Variants in SEMA5B observed in about 807,000 individuals in gnomAD.
The protein encoded by SEMA5B is semaphorin 5B.
In SEMA5B, 66 loss-of-function variants were observed where a neutral mutation model predicts 135.0. That is an observed-to-expected ratio of 0.49 (90% CI 0.40 to 0.60). SEMA5B has a LOEUF of 0.60. Among genes scored for constraint, SEMA5B ranks in the 20% least tolerant of loss-of-function variants. The probability of loss-of-function intolerance (pLI) is 0.00; values close to 1 mark genes in which losing one functional copy is unlikely to be tolerated. For missense variants in SEMA5B, 1,501 were observed against 1,566.3 expected, an observed-to-expected ratio of 0.96 and a Z score of 0.70; for synonymous variants, 690 against 639.5, an observed-to-expected ratio of 1.08 and a Z score of -1.19.
chr3:122,927,814 G>T lies in SEMA5B; in HGVS notation c.826C>A (p.Gln276Lys). 1 of 1,499,966 alleles carries T rather than the reference G, an allele frequency of 6.7e-7. No homozygotes were observed. The highest frequency in any genetic ancestry group is 8.9e-7 in the Non-Finnish European group (1 of 1,119,968). 92.9% of individuals were successfully genotyped at this position (1,499,966 alleles called of 1,614,324 possible). A position where few individuals can be genotyped will look rare whatever the true frequency, so the allele number is the denominator to read the frequency against. The change falls in exon 8 of 23, where the codon CAA (glutamine) becomes AAA (lysine). Residue 276 changes from glutamine to lysine, a missense_variant. Around this residue, in one of 2 missense-constraint regions of SEMA5B, gnomAD observed 574 missense variants for 684.7 expected, o/e 0.84. Coordinates refer to ENST00000357599, the MANE Select transcript of SEMA5B (RefSeq NM_001031702.4). ...LGSGPPLRTA[Q>K]YNSKWLNEPN... is the part of the protein sequence containing the mutation. ...CCATTAAGCCACTTGGAGTTATATT[G>T]GGCAGTGCGAAGCGGTGGCCCACTG...
At position 122,926,590 on chromosome 3, in the gene SEMA5B, G is replaced by T; in HGVS notation, c.938C>A (p.Thr313Asn). The T allele has an allele frequency of 6.2e-7, 1 of 1,614,270 alleles. No homozygotes were observed. The stretch of plus-strand genomic sequence containing the variant: ...CACGCGGGCCACGCGAGAGTACACG[G>T]TGCGTCCACAGTCGTGCTCCACTGC... ...ENAVEHDCGR[T>N]VYSRVARVCK... The change falls in exon 9 of 23, where the codon ACC becomes AAC. Residue 313 changes from threonine to asparagine, a missense_variant. This residue lies in a region of SEMA5B where 574 missense variants were observed against 684.7 expected (regional missense o/e 0.84). Coordinates refer to ENST00000357599, the MANE Select transcript of SEMA5B (RefSeq NM_001031702.4).
intron 1 of SEMA5B, among the ~76,000 whole-genome samples, chr3:122,977,642 T>A (rs531294105): frequency 5.6e-4 from 85 of 152,214 alleles, no homozygotes; most frequent in Non-Finnish European, 9.0e-4. Context: ...CACAAAAACA[T>A]CCAGAATAAT....
At chr3:122,990,612 T>G (rs929221567) in intron 1 of SEMA5B, among the ~76,000 whole-genome samples, 3 of 151,888 alleles carry the variant, frequency 2.0e-5, no homozygotes, top group African/African-American at 7.3e-5. Flanking sequence ...GACATACATG[T>G]GCACACACAC....
chr3:123,022,355 G>A lies in SEMA5B; in HGVS notation c.-39+5109C>T, dbSNP rs191391433. Among the ~76,000 whole-genome samples the A allele has an allele frequency of 1.1e-4, 16 of 152,260 alleles. No individual in the cohort carries two copies. In the East Asian group the frequency reaches 2.7e-3, roughly 26 times the overall value. On this transcript the variant is annotated intron_variant, in intron 1 of 22. Coordinates refer to ENST00000357599, the MANE Select transcript of SEMA5B (RefSeq NM_001031702.4). ...AAATGAAAGATACTCTGATAATATC[G>A]ACAAGGCTTCAAATTCAAACAAGTT...
intron 1 of SEMA5B, among the ~76,000 whole-genome samples, chr3:122,977,930 C>T (rs1009058956): frequency 4.6e-5 from 7 of 152,326 alleles, no homozygotes; most frequent in African/African-American, 9.6e-5. Context: ...AAATATTTGC[C>T]GACTAAAGGG....
chr3:122,968,159 C>A (rs1940953640), intron 1 of SEMA5B, among the ~76,000 whole-genome samples: 1 of 152,234 alleles, frequency 6.6e-6, no homozygotes, highest in African/African-American at 2.4e-5. Flanking sequence ...ATTGGGCCCC[C>A]AGGATGGTTT....
chr3:123,018,978 G>A (rs1319015737), intron 1 of SEMA5B, among the ~76,000 whole-genome samples: 1 of 152,160 alleles, frequency 6.6e-6, no homozygotes, highest in Non-Finnish European at 1.5e-5. Context: ...AAAGGGATGA[G>A]GACATGACCC....
rs546025028 is a variant in SEMA5B, at chr3:122,966,417, G to A, written c.-38-5116C>T. Among the ~76,000 whole-genome samples, 50 of 152,268 alleles carry A rather than the reference G, an allele frequency of 3.3e-4. No individual in the cohort carries two copies. In the South Asian group the frequency reaches 0.01, roughly 32 times the overall value. On this transcript the variant is annotated intron_variant, in intron 1 of 22. Coordinates refer to ENST00000357599, the MANE Select transcript of SEMA5B (RefSeq NM_001031702.4). ...GAAGTCTGTAGTACTGCCTGAAATT[G>A]TACTATCAGACATGGACTACATTGA...
chr3:123,017,538 A>T (rs1276805129), intron 1 of SEMA5B, among the ~76,000 whole-genome samples: 1 of 152,226 alleles, frequency 6.6e-6, no homozygotes, highest in Non-Finnish European at 1.5e-5. Context: ...ATCCAGCAAC[A>T]GAAAGAATGA....
chr3:122,922,913 T>C (rs1417418022), intron 10 of SEMA5B, among the ~76,000 whole-genome samples: 1 of 152,104 alleles, frequency 6.6e-6, no homozygotes, highest in Non-Finnish European at 1.5e-5. Flanking sequence ...CATATGAACC[T>C]TCTCACATAT....
intron 9 of SEMA5B, among the ~76,000 whole-genome samples, chr3:122,924,890 T>G (rs1938544912): frequency 6.6e-6 from 1 of 152,196 alleles, no homozygotes; most frequent in Non-Finnish European, 1.5e-5. Context: ...TTTGTAGCAT[T>G]TCTCATGATT....
chr3:123,002,467 C>T lies in SEMA5B; in HGVS notation c.-39+24997G>A, dbSNP rs143927535. 5.4e-3 allele frequency among the ~76,000 whole-genome samples: 824 copies of T among 152,320 alleles called. 6 individuals are homozygous for T. Among genetic ancestry groups the T allele is most frequent in the South Asian group, 0.031 (150 of 4,830 alleles). On this transcript the variant is annotated intron_variant, in intron 1 of 22. Transcript: ENST00000357599. The stretch of plus-strand genomic sequence containing the variant: ...CTTGCTGCAAAGCTTGCAAGAGCAG[C>T]AGACGGATGCAAACTCCTGCTTCTC...
chr3:122,912,230 C>T lies in SEMA5B; in HGVS notation c.2838G>A (p.Glu946=), dbSNP rs1200810641. The change falls in exon 19 of 23, where the codon GAG becomes GAA. Residue 946 remains glutamate (E), a synonymous_variant. Transcript: ENST00000357599. The stretch of plus-strand genomic sequence containing the variant: ...CCGTGTGCAGCCCGAGACAGATGTC[C>T]TCACCTGGGGAGGGTGCGGGGCTGG... The part of the protein sequence containing the change: ...SCTSPAPSPG[E]DICLGLHTEE... The T allele has an allele frequency of 1.9e-6, 3 of 1,611,078 alleles. No individual in the cohort carries two copies. Among genetic ancestry groups the T allele is most frequent in the African/African-American group, 2.7e-5 (2 of 74,868 alleles).
At chr3:123,011,962 C>T (rs1341917898) in intron 1 of SEMA5B, among the ~76,000 whole-genome samples, 1 of 152,188 alleles carries the variant, frequency 6.6e-6, no homozygotes, top group Non-Finnish European at 1.5e-5. Flanking sequence ...TTTCCAATCT[C>T]CCTCCAACAC....
Position 122,909,947 on chromosome 3 carries a change from T to C in SEMA5B, c.*196A>G. 1 of 599,070 alleles carries C rather than the reference T, an allele frequency of 1.7e-6. No homozygotes were observed. Among genetic ancestry groups the C allele is most frequent in the Non-Finnish European group, 2.9e-6 (1 of 339,760 alleles). 37.1% of individuals were successfully genotyped at this position (599,070 alleles called of 1,614,324 possible). ...GCTGAACTGGACCTGCGGCCATATG[T>C]CAGCCTGAAACCAGCCCTTTCCCCC... On this transcript the variant is annotated 3_prime_UTR_variant, in exon 23 of 23. Coordinates refer to ENST00000357599, the MANE Select transcript of SEMA5B (RefSeq NM_001031702.4).
In SEMA5B at chr3:122,913,594, C is replaced by G; in HGVS notation, c.2220G>C (p.Gly740=). 1 of 1,613,414 alleles carries G rather than the reference C, an allele frequency of 6.2e-7. No individual in the cohort carries two copies. The highest frequency in any genetic ancestry group is 8.5e-7 in the Non-Finnish European group (1 of 1,179,956). The change falls in exon 16 of 23, where the codon GGG becomes GGC. Residue 740 remains glycine (G), a synonymous_variant. Coordinates refer to ENST00000357599, the MANE Select transcript of SEMA5B (RefSeq NM_001031702.4). ...AGGCCCGACGCCGCGACTGCATGCC[C>G]CCTCCACAGTTGCTGCTGCACTTGC... ...SWSKCSSNCG[G]GMQSRRRACE... is the part of the protein sequence containing the mutation.
At chr3:123,028,092 C>T (rs1007292548), upstream of SEMA5B, among the ~76,000 whole-genome samples, 2 of 152,204 alleles carry the variant, frequency 1.3e-5, no homozygotes, top group Admixed American at 1.3e-4. Context: ...CCTTGCCGTT[C>T]TCGGTCACCC....
At chr3:122,968,269 G>A (rs1002342877) in intron 1 of SEMA5B, among the ~76,000 whole-genome samples, 1 of 152,188 alleles carries the variant, frequency 6.6e-6, no homozygotes, top group Non-Finnish European at 1.5e-5. Flanking sequence ...CTGCATCTAT[G>A]CCACTCCTCT....
At position 122,961,140 on chromosome 3, in the gene SEMA5B, C is replaced by T. The variant is rs148102705; in HGVS notation, c.124G>A (p.Gly42Ser). 110 of 1,610,554 alleles carry T rather than the reference C, an allele frequency of 6.8e-5. No homozygotes were observed. The African/African-American group carries it at 1.1e-3, about 16-fold the overall frequency. Residue 42 changes from glycine to serine, a missense_variant and splice_region_variant, in exon 2 of 23, where the codon GGT (glycine) becomes AGT (serine). By Grantham distance (56) the Gly-to-Ser change is moderately conservative (BLOSUM62 0). Transcript: ENST00000357599. ...CCCACACTCCCCTGGGCACACTTAC[C>T]CCTGACCAGTGAGAGAAGCCAGCCC... is the stretch of plus-strand genomic sequence containing the variant. ...VGGWLLSLVR[G>S]LLPCLPPGAR...
Sources: allele counts gnomAD v4.1 joint callset (sites outside exome capture counted in the v4.1 genomes callset), GRCh38; gene constraint gnomAD v4.1.1; regional missense constraint gnomAD v4.1.1; transcripts MANE v1.5; gene names NCBI Gene and HGNC (gene_info 2026-07-23, HGNC 2026-07-21).